Variants in CAMK2D observed in about 807,000 individuals in gnomAD.
The protein encoded by CAMK2D is calcium/calmodulin dependent protein kinase II delta, also known as calcium/calmodulin-dependent protein kinase type II subunit delta.
In CAMK2D, 37 loss-of-function variants were observed where a neutral mutation model predicts 84.0. The observed-to-expected ratio is 0.44, with a 90% confidence interval of 0.34 to 0.58. The LOEUF (loss-of-function observed/expected upper bound fraction) is 0.58. CAMK2D is among the 20% of genes least tolerant of loss of function. The pLI is 0.02. For synonymous variants in CAMK2D, 202 were observed against 212.5 expected (o/e 0.95, Z 0.43); for missense variants, 448 against 652.5 (o/e 0.69, Z 3.41).
intron 16 of CAMK2D, among the ~76,000 whole-genome samples, chr4:113,499,288 A>G (rs2097994305): frequency 6.6e-6 from 1 of 152,204 alleles, no homozygotes; most frequent in South Asian, 2.1e-4. Flanking sequence ...TGACACAGCT[A>G]TCTACCTTTC....
chr4:113,511,239 T>C (rs865988755), intron 12 of CAMK2D, among the ~76,000 whole-genome samples: 14 of 152,292 alleles, frequency 9.2e-5, no homozygotes, highest in Non-Finnish European at 1.9e-4. Context: ...TACTCTAAAA[T>C]GCAGTATCAA....
intron 8 of CAMK2D, among the ~76,000 whole-genome samples, chr4:113,525,802 G>A (rs1260673141): frequency 6.6e-6 from 1 of 152,126 alleles, no homozygotes; most frequent in African/African-American, 2.4e-5. Flanking sequence ...TCTGAGTAGT[G>A]TAATTTTTTA....
chr4:113,470,311 T>C (rs1184481548), intron 16 of CAMK2D, among the ~76,000 whole-genome samples: 1 of 152,178 alleles, frequency 6.6e-6, no homozygotes, highest in Non-Finnish European at 1.5e-5. Context: ...TTGCTCCTAC[T>C]TCTTTTATCA....
At chr4:113,498,932 A>C (rs2097986166) in intron 16 of CAMK2D, among the ~76,000 whole-genome samples, 2 of 152,176 alleles carry the variant, frequency 1.3e-5, no homozygotes, top group Non-Finnish European at 2.9e-5. Context: ...TTGGCAGATG[A>C]ACTGCATATA....
intron 5 of CAMK2D, among the ~76,000 whole-genome samples, chr4:113,548,424 G>C (rs983451000): frequency 6.6e-6 from 1 of 152,136 alleles, no homozygotes; most frequent in Non-Finnish European, 1.5e-5. Flanking sequence ...TTACTGCTTG[G>C]AAACTTAGCA....
chr4:113,563,892 G>A (rs1209972885), intron 4 of CAMK2D, among the ~76,000 whole-genome samples: 2 of 152,094 alleles, frequency 1.3e-5, no homozygotes, highest in South Asian at 4.2e-4. Context: ...AATTTTAATG[G>A]TAGGAAGCTT....
intron 4 of CAMK2D, among the ~76,000 whole-genome samples, chr4:113,596,100 G>T (rs948705030): frequency 6.6e-6 from 1 of 152,190 alleles, no homozygotes; most frequent in Non-Finnish European, 1.5e-5. Context: ...ATTCAACAAT[G>T]TTCACAGTAT....
At chr4:113,699,216 A>G (rs1455422277) in intron 2 of CAMK2D, among the ~76,000 whole-genome samples, 1 of 152,154 alleles carries the variant, frequency 6.6e-6, no homozygotes, top group Non-Finnish European at 1.5e-5. Context: ...CTCATAGGCC[A>G]TGGAATTAAA....
At chr4:113,500,427 C>T (rs771954959) in intron 16 of CAMK2D, 36 bp downstream of exon 16, 35 of 1,369,654 alleles carry the variant, frequency 2.6e-5, no homozygotes, top group South Asian at 2.0e-4. Flanking sequence ...ATGTGAAGCT[C>T]TGAGGTAGGA....
At chr4:113,615,497 A>G (rs1307638085) in intron 3 of CAMK2D, among the ~76,000 whole-genome samples, 6 of 152,046 alleles carry the variant, frequency 3.9e-5, no homozygotes, top group African/African-American at 1.4e-4. Flanking sequence ...AGCACTGAAA[A>G]CTAAGTTCAA....
intron 4 of CAMK2D, among the ~76,000 whole-genome samples, chr4:113,595,459 TG>T (rs774272935): frequency 0.04 from 6,062 of 152,020 alleles, 352 homozygotes; most frequent in East Asian, 0.19. Context: ...TGTGTGTGTG[TG>T]TGTGTGTGTG....
At chr4:113,490,767 C>T (rs1275357931) in intron 16 of CAMK2D, among the ~76,000 whole-genome samples, 5 of 142,254 alleles carry the variant, frequency 3.5e-5, no homozygotes, top group South Asian at 2.3e-4. Context: ...ATTCTTCCTA[C>T]CCATGAGCAT....
chr4:113,571,869 A>C (rs1238678131), intron 4 of CAMK2D, among the ~76,000 whole-genome samples: 1 of 152,226 alleles, frequency 6.6e-6, no homozygotes, highest in African/African-American at 2.4e-5. Flanking sequence ...TCATAAATTT[A>C]ATTAACAGAA....
At chr4:113,731,072 C>T (rs1215344848) in intron 2 of CAMK2D, among the ~76,000 whole-genome samples, 1 of 152,148 alleles carries the variant, frequency 6.6e-6, no homozygotes, top group East Asian at 1.9e-4. Flanking sequence ...TCAATATTCA[C>T]CAACTGAATA....
intron 2 of CAMK2D, among the ~76,000 whole-genome samples, chr4:113,666,241 G>C (rs1406853131): frequency 2.0e-5 from 3 of 152,086 alleles, no homozygotes; most frequent in African/African-American, 7.2e-5. Context: ...TTATCAATAA[G>C]CAAATTTCAA....
chr4:113,643,631 G>GT (rs2099140720), intron 3 of CAMK2D, among the ~76,000 whole-genome samples: 2 of 152,244 alleles, frequency 1.3e-5, no homozygotes, highest in South Asian at 4.1e-4. Context: ...ATGTACAAAA[G>GT]TAAGTGAATG....
intron 16 of CAMK2D, among the ~76,000 whole-genome samples, chr4:113,491,433 G>C (rs1369014115): frequency 6.7e-6 from 1 of 149,958 alleles, no homozygotes; most frequent in African/African-American, 2.5e-5. Flanking sequence ...CTGTGTATAT[G>C]CTGGATTACA....
intron 2 of CAMK2D, among the ~76,000 whole-genome samples, chr4:113,740,336 A>G (rs2099589875): frequency 6.6e-6 from 1 of 152,092 alleles, no homozygotes; most frequent in Non-Finnish European, 1.5e-5. Flanking sequence ...AAAACATGCT[A>G]TACTATGGAT....
chr4:113,454,602 A>T, intron 20 of CAMK2D, 87 bp from the exon 21 acceptor site: 2 of 750,172 alleles, frequency 2.7e-6, no homozygotes, highest in Non-Finnish European at 5.0e-6. Context: ...TGACTAGGCT[A>T]CAGTTTTATA....
Sources: allele counts gnomAD v4.1 joint callset (sites outside exome capture counted in the v4.1 genomes callset), GRCh38; gene constraint gnomAD v4.1.1; transcripts MANE v1.5; gene names NCBI Gene and HGNC (gene_info 2026-07-23, HGNC 2026-07-21).